Variants in CCDC18 observed in about 807,000 individuals in gnomAD.
The protein encoded by CCDC18 is coiled-coil domain containing 18, also known as coiled-coil domain-containing protein 18.
CCDC18 carries 157 observed loss-of-function variants against 196.0 expected under a neutral mutation model. That is an observed-to-expected ratio of 0.80 (90% confidence interval 0.70 to 0.91). The LOEUF is 0.91. Ranked by LOEUF, CCDC18 falls within the 40% of genes least tolerant of loss-of-function variation. The pLI, the probability that CCDC18 is intolerant of heterozygous loss-of-function variation, is 0.00. For missense variants in CCDC18, 1,465 were observed against 1,611.6 expected (o/e 0.91, Z 1.56); for synonymous variants, 482 against 529.2 (o/e 0.91, Z 1.22).
chr1:93,231,332 C>A (rs1659208061), intron 17 of CCDC18, among the ~76,000 whole-genome samples: 1 of 151,890 alleles, frequency 6.6e-6, no homozygotes, highest in South Asian at 2.1e-4. Flanking sequence ...TACCTACAGC[C>A]CATTCTCTAA....
chr1:93,183,471 A>AGAG lies in CCDC18; in HGVS notation c.111_113dup (p.Gln37_Ser38insArg). The AGAG allele has an allele frequency of 6.2e-7, 1 of 1,603,428 alleles. No individual in the cohort carries two copies. Among genetic ancestry groups the AGAG allele is most frequent in the East Asian group, 2.3e-5 (1 of 44,440 alleles). On this transcript the variant is annotated inframe_insertion, in exon 2 of 29. Transcript: ENST00000690025. ...CTGAAGATAACAGAATGGAGTTTGC[A>AGAG]GAGTTTAGGGGAAGAGTTATCCAGG...
At chr1:93,216,507 CTG>C (rs1284161531) in intron 12 of CCDC18, 127 bp from the exon 13 acceptor site, 5 of 490,822 alleles carry the variant, frequency 1.0e-5, no homozygotes, top group East Asian at 3.6e-5. Context: ...ATGTTTATAA[CTG>C]TAAGTTTGCC....
chr1:93,276,175 TACATG>T (rs891029266), intron 28 of CCDC18, among the ~76,000 whole-genome samples: 1 of 152,248 alleles, frequency 6.6e-6, no homozygotes, highest in African/African-American at 2.4e-5. Context: ...TGGAAACCGA[TACATG>T]AGAAGTGTTT....
intron 28 of CCDC18, chr1:93,271,295 A>G (rs1286481078): frequency 2.0e-6 from 2 of 985,274 alleles, no homozygotes; most frequent in Non-Finnish European, 2.4e-6. Context: ...AAGCATGAAT[A>G]AGGCCAACTG....
intron 5 of CCDC18, among the ~76,000 whole-genome samples, chr1:93,193,392 G>C (rs1018056673): frequency 7.2e-5 from 11 of 151,994 alleles, no homozygotes; most frequent in African/African-American, 2.7e-4. Flanking sequence ...TACGATGTGA[G>C]TTATTACTTC....
chr1:93,222,344 G>A (rs1206839647), intron 16 of CCDC18, among the ~76,000 whole-genome samples: 2 of 151,134 alleles, frequency 1.3e-5, no homozygotes, highest in Non-Finnish European at 2.9e-5. Flanking sequence ...GCCTCTTTTT[G>A]TCTTAAAACA....
chr1:93,188,773 G>A (rs1302767291), intron 4 of CCDC18, among the ~76,000 whole-genome samples: 1 of 152,080 alleles, frequency 6.6e-6, no homozygotes, highest in African/African-American at 2.4e-5. Flanking sequence ...GTATTTGAGA[G>A]CCCTTTCAGG....
chr1:93,258,739 AT>A lies in CCDC18; in HGVS notation c.3547-4del. On this transcript the variant is annotated splice_region_variant and splice_polypyrimidine_tract_variant and intron_variant, in intron 25 of 28. Transcript: ENST00000690025. The stretch of plus-strand genomic sequence containing the variant: ...TTTTATAGCTTTTACTCAATATGTC[AT>A]TTTTAAGGATGCTCATGGAAACCAT... The A allele has an allele frequency of 6.5e-7, 1 of 1,533,890 alleles. No homozygotes were observed. Among genetic ancestry groups the A allele is most frequent in the East Asian group, 2.4e-5 (1 of 41,558 alleles).
At chr1:93,255,250 C>T (rs1347129342) in intron 24 of CCDC18, among the ~76,000 whole-genome samples, 6 of 151,938 alleles carry the variant, frequency 3.9e-5, no homozygotes, top group East Asian at 3.9e-4. Flanking sequence ...CGTGCCCGGC[C>T]GAAGAGTCAG....
intron 26 of CCDC18, among the ~76,000 whole-genome samples, chr1:93,263,812 T>C (rs1203073644): frequency 1.3e-5 from 2 of 152,196 alleles, no homozygotes; most frequent in African/African-American, 2.4e-5. Context: ...TTTTCTGTTA[T>C]TAGTCCATTT....
At chr1:93,220,155 T>C (rs1657169904) in intron 14 of CCDC18, among the ~76,000 whole-genome samples, 1 of 152,120 alleles carries the variant, frequency 6.6e-6, no homozygotes, top group Non-Finnish European at 1.5e-5. Flanking sequence ...TAAATGACAC[T>C]GCATATAAGG....
chr1:93,244,746 A>T (rs1661272511), intron 21 of CCDC18, among the ~76,000 whole-genome samples: 3 of 152,224 alleles, frequency 2.0e-5, no homozygotes, highest in African/African-American at 7.2e-5. Context: ...CAGTTAAAAA[A>T]ATCCAAGTTC....
intron 10 of CCDC18, 53 bp from the exon 11 acceptor site, chr1:93,212,048 G>GT (rs1411299792): frequency 6.7e-6 from 10 of 1,481,592 alleles, no homozygotes; most frequent in East Asian, 4.7e-5. Flanking sequence ...TACAGTATGA[G>GT]TTTTTTTATA....
intron 7 of CCDC18, among the ~76,000 whole-genome samples, chr1:93,204,853 G>C (rs1348943008): frequency 6.6e-6 from 1 of 152,068 alleles, no homozygotes; most frequent in African/African-American, 2.4e-5. Context: ...GAGGGTCCTT[G>C]TGGGAATGAA....
chr1:93,234,384 T>C (rs1219442386), intron 18 of CCDC18, among the ~76,000 whole-genome samples: 1 of 151,624 alleles, frequency 6.6e-6, no homozygotes, highest in East Asian at 2.0e-4. Flanking sequence ...ATGGTCTTGA[T>C]CTCTTGATCT....
chr1:93,237,612 G>A (rs1042713907), intron 19 of CCDC18, among the ~76,000 whole-genome samples: 1 of 152,036 alleles, frequency 6.6e-6, no homozygotes, highest in Non-Finnish European at 1.5e-5. Flanking sequence ...TTTCCCCATA[G>A]CTCTTGTACC....
chr1:93,183,556 G>A, intron 2 of CCDC18, 61 bp downstream of exon 2: 1 of 1,185,858 alleles, frequency 8.4e-7, no homozygotes, highest in Non-Finnish European at 1.1e-6. Flanking sequence ...TGTAAAATGT[G>A]TGGATTTCAT....
intron 25 of CCDC18, among the ~76,000 whole-genome samples, chr1:93,258,480 G>A (rs1663332485): frequency 6.6e-6 from 1 of 152,100 alleles, no homozygotes; most frequent in Non-Finnish European, 1.5e-5. Context: ...TCAGTGTCCT[G>A]AGGTTATTAT....
chr1:93,204,166 T>A (rs1477402081), intron 7 of CCDC18, among the ~76,000 whole-genome samples: 1 of 151,972 alleles, frequency 6.6e-6, no homozygotes, highest in East Asian at 1.9e-4. Context: ...GATGCTAGAA[T>A]TATAAGGAAT....
Sources: gnomAD v4.1 joint callset for allele counts (sites outside exome capture counted in the v4.1 genomes callset) on GRCh38, gnomAD v4.1.1 for gene constraint, MANE v1.5 for transcripts, NCBI Gene and HGNC (gene_info 2026-07-23, HGNC 2026-07-21) for gene names.